The following CNTNAP2 variants were observed in gnomAD, a reference collection of about 807,000 sequenced individuals.
The protein encoded by CNTNAP2 is contactin associated protein 2.
A neutral mutation model predicts 155.2 loss-of-function variants in CNTNAP2; 98 were observed. The observed-to-expected ratio is 0.63, with a 90% CI of 0.54 to 0.75. The LOEUF (loss-of-function observed/expected upper bound fraction) is 0.75. CNTNAP2 is among the 30% of genes least tolerant of loss of function. CNTNAP2 has a pLI of 0.00. For synonymous variants in CNTNAP2, 651 were observed against 631.2 expected (o/e 1.03, Z -0.47); for missense variants, 1,727 against 1,688.1 (o/e 1.02, Z -0.40).
At chr7:146,396,056 A>G (rs548931965) in intron 1 of CNTNAP2, among the ~76,000 whole-genome samples, 3 of 152,232 alleles carry the variant, frequency 2.0e-5, no homozygotes, top group Admixed American at 6.6e-5. Flanking sequence ...AATATCTTCA[A>G]TTATCATACT....
rs575648342 is a variant in CNTNAP2 at position 146,442,456 on chromosome 7, G to A, written c.97+325483G>A. 9.9e-4 allele frequency among the ~76,000 whole-genome samples: 151 copies of A among 152,026 alleles called. 5 individuals are homozygous for A. The highest frequency in any genetic ancestry group is 3.4e-3 in the African/African-American group (143 of 41,478). ...TTGGGGTGTGTGTGTGTGTGCGTGC[G>A]CATGTGTGTGTGTATGTGTGAGTGT... On this transcript the variant is annotated intron_variant, in intron 1 of 23. Coordinates refer to ENST00000361727, the MANE Select transcript of CNTNAP2 (RefSeq NM_014141.6).
At chr7:148,047,772 A>C (rs753913395) in intron 15 of CNTNAP2, among the ~76,000 whole-genome samples, 2 of 152,244 alleles carry the variant, frequency 1.3e-5, no homozygotes, top group Non-Finnish European at 2.9e-5. Context: ...ATAAATTTCA[A>C]CAAGTAGATG....
At chr7:147,925,152 A>AGG (rs1800364195) in intron 14 of CNTNAP2, among the ~76,000 whole-genome samples, 1 of 107,454 alleles carries the variant, frequency 9.3e-6, no homozygotes, top group African/African-American at 3.5e-5. Flanking sequence ...AGAGAGAGAG[A>AGG]GAGAAGGAAG....
At chr7:146,658,082 G>T (rs908997607) in intron 1 of CNTNAP2, among the ~76,000 whole-genome samples, 1 of 152,104 alleles carries the variant, frequency 6.6e-6, no homozygotes, top group Non-Finnish European at 1.5e-5. Context: ...CGAGAGTTGG[G>T]AACATTCCGT....
intron 21 of CNTNAP2, among the ~76,000 whole-genome samples, chr7:148,369,806 T>TACAG (rs1798855627): frequency 6.6e-6 from 1 of 152,118 alleles, no homozygotes; most frequent in Non-Finnish European, 1.5e-5. Context: ...GCCCTGTGTG[T>TACAG]ACAGATATGT....
intron 3 of CNTNAP2, among the ~76,000 whole-genome samples, chr7:146,868,832 C>A (rs1351812442): frequency 6.6e-6 from 1 of 152,036 alleles, no homozygotes; most frequent in East Asian, 1.9e-4. Context: ...TTGTTGGTAC[C>A]CAGAAATGCT....
At chr7:147,441,002 C>T (rs1797626979) in intron 10 of CNTNAP2, among the ~76,000 whole-genome samples, 1 of 151,982 alleles carries the variant, frequency 6.6e-6, no homozygotes, top group Non-Finnish European at 1.5e-5. Context: ...ATATTAATAT[C>T]TTTCTTTAGG....
chr7:147,134,447 G>A (rs189107745), intron 8 of CNTNAP2, among the ~76,000 whole-genome samples: 14 of 151,496 alleles, frequency 9.2e-5, no homozygotes, highest in Admixed American at 2.0e-4. Flanking sequence ...AAAGATTTCC[G>A]TAGTATTACC....
At chr7:148,200,372 G>A (rs957134921) in intron 18 of CNTNAP2, among the ~76,000 whole-genome samples, 1 of 151,268 alleles carries the variant, frequency 6.6e-6, no homozygotes, top group African/African-American at 2.4e-5. Flanking sequence ...TTACAAATGT[G>A]GGTCCCATTA....
At chr7:148,165,377 G>T (rs1805634849) in intron 17 of CNTNAP2, among the ~76,000 whole-genome samples, 1 of 152,134 alleles carries the variant, frequency 6.6e-6, no homozygotes, top group South Asian at 2.1e-4. Context: ...TCACATTGGA[G>T]GTTAGGGATT....
At chr7:147,567,766 C>G (rs1002367149) in intron 12 of CNTNAP2, among the ~76,000 whole-genome samples, 1 of 152,082 alleles carries the variant, frequency 6.6e-6, no homozygotes, top group Non-Finnish European at 1.5e-5. Context: ...TACGCAAAGT[C>G]ACTGTAGGAC....
At chr7:148,253,049 G>T (rs1796395504) in intron 20 of CNTNAP2, among the ~76,000 whole-genome samples, 1 of 62,326 alleles carries the variant, frequency 1.6e-5, no homozygotes, top group Non-Finnish European at 3.4e-5. Flanking sequence ...TAGATAGATA[G>T]ACAGATGATA....
intron 9 of CNTNAP2, among the ~76,000 whole-genome samples, chr7:147,310,180 A>G (rs1340154496): frequency 2.0e-5 from 3 of 152,122 alleles, no homozygotes; most frequent in African/African-American, 7.2e-5. Context: ...TTATCATTAC[A>G]ATTATTGTGA....
intron 1 of CNTNAP2, among the ~76,000 whole-genome samples, chr7:146,287,886 G>A (rs891248734): frequency 2.0e-5 from 3 of 152,092 alleles, no homozygotes; most frequent in African/African-American, 7.2e-5. Context: ...ATCTCTAAAT[G>A]CTTTGTAAAT....
intron 16 of CNTNAP2, among the ~76,000 whole-genome samples, chr7:148,123,670 AGG>A (rs1804650894): frequency 1.4e-5 from 2 of 147,670 alleles, no homozygotes; most frequent in South Asian, 4.2e-4. Context: ...GAAGGAAGGA[AGG>A]AAGGAAGGAA....
At chr7:146,736,153 T>C (rs1801616401) in intron 1 of CNTNAP2, among the ~76,000 whole-genome samples, 1 of 152,098 alleles carries the variant, frequency 6.6e-6, no homozygotes, top group African/African-American at 2.4e-5. Flanking sequence ...TGGTTTATAG[T>C]ATGAGGGAGG....
chr7:147,364,291 T>C (rs1304650674), intron 9 of CNTNAP2, among the ~76,000 whole-genome samples: 2 of 152,204 alleles, frequency 1.3e-5, no homozygotes, highest in African/African-American at 4.8e-5. Flanking sequence ...TTTTCTAGTT[T>C]TGTTATTTCC....
intron 1 of CNTNAP2, among the ~76,000 whole-genome samples, chr7:146,240,357 A>G (rs2116926610): frequency 6.6e-6 from 1 of 152,298 alleles, no homozygotes; most frequent in South Asian, 2.1e-4. Flanking sequence ...TAAGTCATAT[A>G]TGAATAAATA....
intron 3 of CNTNAP2, among the ~76,000 whole-genome samples, chr7:147,015,586 G>T (rs1798711123): frequency 6.6e-6 from 1 of 152,032 alleles, no homozygotes; most frequent in African/African-American, 2.4e-5. Context: ...GTAATGAGCA[G>T]GTGGTAACAA....
Sources: allele counts gnomAD v4.1 joint callset (sites outside exome capture counted in the v4.1 genomes callset), GRCh38; gene constraint gnomAD v4.1.1; transcripts MANE v1.5; gene names NCBI Gene and HGNC (gene_info 2026-07-23, HGNC 2026-07-21).